The following LYSMD2 variants were observed in gnomAD, a reference collection of about 807,000 sequenced individuals.
LYSMD2 encodes lysM and putative peptidoglycan-binding domain-containing protein 2.
A neutral mutation model predicts 17.7 loss-of-function variants in LYSMD2; 6 were observed. The ratio of observed to expected loss-of-function variants is 0.34; its 90% confidence interval spans 0.19 to 0.67. The LOEUF (loss-of-function observed/expected upper bound fraction) is 0.67, where lower values mean the gene tolerates loss of function less well. LYSMD2 is among the 30% of genes least tolerant of loss of function. The pLI is 0.69. For missense variants in LYSMD2, 237 were observed against 286.7 expected, an observed-to-expected ratio of 0.83 and a Z score of 1.25; for synonymous variants, 102 against 129.8, an observed-to-expected ratio of 0.79 and a Z score of 1.45.
chr15:51,728,283 G>A (rs1411510397), intron 1 of LYSMD2, among the ~76,000 whole-genome samples: 3 of 151,224 alleles, frequency 2.0e-5, no homozygotes, highest in Non-Finnish European at 4.4e-5. Context: ...GCCAGGCGTG[G>A]TGGCGCATGT....
intron 1 of LYSMD2, among the ~76,000 whole-genome samples, chr15:51,731,402 C>G (rs961834478): frequency 3.3e-5 from 5 of 152,214 alleles, no homozygotes; most frequent in Non-Finnish European, 5.9e-5. Context: ...AAGTTATGAA[C>G]ACTAAAGATT....
intron 1 of LYSMD2, among the ~76,000 whole-genome samples, chr15:51,728,747 G>A (rs748896328): frequency 5.9e-5 from 9 of 152,032 alleles, no homozygotes; most frequent in Non-Finnish European, 5.9e-5. Flanking sequence ...GCAGGTGCCT[G>A]TAATCACAGC....
Position 51,725,065 on chromosome 15 carries a change from C to T in LYSMD2, c.330G>A (p.Lys110=), listed in dbSNP as rs1254226035. 6.2e-7 allele frequency: 1 copy of T among 1,612,966 alleles called. No individual in the cohort carries two copies. The highest frequency in any genetic ancestry group is 8.5e-7 in the Non-Finnish European group (1 of 1,179,204). ...ATATAACTGGGATGTTCAAAGTTTTCTTCAGAAATATACAATCATTGGTAA... is the reference window on the plus strand; with the variant it reads ...ATATAACTGGGATGTTCAAAGTTTTTTTCAGAAATATACAATCATTGGTAA... ...KLFTNDCIFL[K]KTLNIPVISE... is the part of the protein sequence containing the mutation. Residue 110 remains lysine (K), a synonymous_variant, in exon 2 of 3, where the codon AAG becomes AAA. Coordinates refer to ENST00000267838, the MANE Select transcript of LYSMD2 (RefSeq NM_153374.3).
At chr15:51,740,566 T>A (rs1480694281), upstream of LYSMD2, among the ~76,000 whole-genome samples, 1 of 149,884 alleles carries the variant, frequency 6.7e-6, no homozygotes, top group East Asian at 2.0e-4. Flanking sequence ...TATTTACAGA[T>A]AGTAGGCAAT....
At chr15:51,735,483 C>CA (rs964394833) in intron 1 of LYSMD2, among the ~76,000 whole-genome samples, 5 of 152,182 alleles carry the variant, frequency 3.3e-5, no homozygotes, top group Non-Finnish European at 7.3e-5. Flanking sequence ...CCCCGTGCAA[C>CA]AAAGAGTTAT....
chr15:51,746,088 A>C (rs2055666386), intron 1 of LYSMD2, among the ~76,000 whole-genome samples: 1 of 152,198 alleles, frequency 6.6e-6, no homozygotes, highest in Admixed American at 6.5e-5. Flanking sequence ...TGACACAGTA[A>C]TTGCACTCCT....
upstream of LYSMD2, among the ~76,000 whole-genome samples, chr15:51,741,089 C>T (rs1282740681): frequency 6.6e-6 from 1 of 152,088 alleles, no homozygotes; most frequent in Non-Finnish European, 1.5e-5. Flanking sequence ...CCAAGGCATT[C>T]CTGAGGAAGA....
intron 1 of LYSMD2, among the ~76,000 whole-genome samples, chr15:51,729,784 C>T (rs2055565197): frequency 6.6e-6 from 1 of 152,200 alleles, no homozygotes; most frequent in Admixed American, 6.5e-5. Flanking sequence ...ATACTTCTGT[C>T]TGAACGTAGC....
At chr15:51,746,921 C>T (rs1332175868) in intron 1 of LYSMD2, among the ~76,000 whole-genome samples, 1 of 150,614 alleles carries the variant, frequency 6.6e-6, no homozygotes, top group Non-Finnish European at 1.5e-5. Flanking sequence ...GGCTCATGCC[C>T]GTAATCCCAA....
chr15:51,737,402 C>T lies in LYSMD2; in HGVS notation c.221G>A (p.Arg74Gln). ...CTGCAGCGTGTCGCCCGCGCGGACC[C>T]GGTGCTCCACATGGCGCTCGATGAC... ...AGVIERHVEH[R>Q]VRAGDTLQGI... The change falls in exon 1 of 3, where the codon CGG becomes CAG. Residue 74 changes from arginine (R) to glutamine (Q), a missense_variant. Physicochemically the swap from Arg to Gln is conservative, Grantham distance 43 (BLOSUM62 1). Transcript: ENST00000267838. The surrounding 1 kb of genome is among the most constrained non-coding windows in gnomAD (Gnocchi z 4.2). 2.0e-5 allele frequency: 29 copies of T among 1,456,212 alleles called. No individual in the cohort carries two copies. The highest frequency in any genetic ancestry group is 2.5e-5 in the Non-Finnish European group (28 of 1,109,484). The allele number at this position is 1,456,212 out of a possible 1,614,324, so 90.2% of individuals were successfully genotyped here. A position where few individuals can be genotyped will look rare whatever the true frequency, so the allele number is the denominator to read the frequency against.
upstream of LYSMD2, among the ~76,000 whole-genome samples, chr15:51,740,314 G>A (rs2055636661): frequency 6.6e-6 from 1 of 152,162 alleles, no homozygotes; most frequent in African/African-American, 2.4e-5. Flanking sequence ...TACATGAGGT[G>A]TTATTAGATG....
chr15:51,751,240 C>T (rs142646441), intron 1 of LYSMD2: 4 of 701,834 alleles, frequency 5.7e-6, no homozygotes, highest in Non-Finnish European at 1.0e-5. Context: ...CACGCCCAGC[C>T]AGGAAAACCT....
At chr15:51,733,792 G>GTA (rs1288235682) in intron 1 of LYSMD2, among the ~76,000 whole-genome samples, 1 of 152,160 alleles carries the variant, frequency 6.6e-6, no homozygotes, top group African/African-American at 2.4e-5. Flanking sequence ...AGCTAGCCCT[G>GTA]TATCCAGCTA....
chr15:51,751,364 G>C (rs370965703), exon 1 of LYSMD2: 2 of 702,450 alleles, frequency 2.8e-6, no homozygotes, highest in South Asian at 1.5e-5. Flanking sequence ...CACGCTCTCC[G>C]GAGCCCCGAG....
At chr15:51,750,124 G>C (rs974894650) in intron 1 of LYSMD2, among the ~76,000 whole-genome samples, 1 of 152,184 alleles carries the variant, frequency 6.6e-6, no homozygotes, top group South Asian at 2.1e-4. Flanking sequence ...TGCCCACAGT[G>C]GAAGGAGAGA....
At chr15:51,739,408 A>G (rs1049990463), upstream of LYSMD2, among the ~76,000 whole-genome samples, 1 of 152,310 alleles carries the variant, frequency 6.6e-6, no homozygotes, top group Admixed American at 6.5e-5. Context: ...CTGAATGCTA[A>G]TTTAGATTGT....
Position 51,737,261 on chromosome 15 carries a change from G to GGGCCCCCCCCCCCCCCCCC in LYSMD2, c.273+88_273+89insGGGGGGGGGGGGGGGGGCC. ...CCCATCCCCCAAACCCCCACCCGCA[G>GGGCCCCCCCCCCCCCCCCC]TCCCACCCCCACCCCCACCGCACCC... is the stretch of plus-strand genomic sequence containing the variant. On this transcript the variant is annotated intron_variant, in intron 1 of 2. Transcript: ENST00000267838. This position sits in a 1 kb window ranked among gnomAD's most constrained non-coding sequence, Gnocchi z 4.2. The GGGCCCCCCCCCCCCCCCCC allele has an allele frequency of 7.0e-6, 1 of 143,070 alleles. No homozygotes were observed. Among genetic ancestry groups the GGGCCCCCCCCCCCCCCCCC allele is most frequent in the South Asian group, 2.0e-4 (1 of 5,024 alleles). 8.9% of individuals were successfully genotyped at this position (143,070 alleles called of 1,614,324 possible).
intron 2 of LYSMD2, 69 bp from the exon 3 acceptor site, chr15:51,723,718 A>C: frequency 9.0e-7 from 1 of 1,112,948 alleles, no homozygotes; most frequent in Non-Finnish European, 1.3e-6. Context: ...ACATCAACTT[A>C]TTATACAATA....
intron 1 of LYSMD2, among the ~76,000 whole-genome samples, chr15:51,745,968 T>A (rs933720485): frequency 6.6e-6 from 1 of 152,232 alleles, no homozygotes; most frequent in Non-Finnish European, 1.5e-5. Context: ...TTAGCAAGGA[T>A]GTGGAGAAAT....
Sources: gnomAD v4.1 joint callset for allele counts (sites outside exome capture counted in the v4.1 genomes callset) on GRCh38, gnomAD v4.1.1 for gene constraint, Gnocchi (gnomAD v3.1) non-coding constraint, MANE v1.5 for transcripts, NCBI Gene and HGNC (gene_info 2026-07-23, HGNC 2026-07-21) for gene names.